ITIH5: variants seen among roughly 807,000 people sequenced by gnomAD.
ITIH5 encodes inter-alpha-trypsin inhibitor heavy chain 5, also known as inter-alpha-trypsin inhibitor heavy chain H5.
In ITIH5, 65 loss-of-function variants were observed where a neutral mutation model predicts 77.5. The ratio of observed to expected loss-of-function variants is 0.84; its 90% CI spans 0.69 to 1.03. The LOEUF (loss-of-function observed/expected upper bound fraction) is 1.03, where lower values mean the gene tolerates loss of function less well. Ranked by LOEUF, ITIH5 falls within the 50% of genes least tolerant of loss-of-function variation. The pLI, the probability that ITIH5 is intolerant of heterozygous loss-of-function variation, is 0.00. For synonymous variants in ITIH5, 525 were observed against 494.3 expected (o/e 1.06, Z -0.82); for missense variants, 1,208 against 1,213.1 (o/e 1.00, Z 0.06).
chr10:7,623,045 A>T (rs981160247), intron 5 of ITIH5, among the ~76,000 whole-genome samples: 23 of 152,360 alleles, frequency 1.5e-4, no homozygotes, highest in Non-Finnish European at 3.1e-4. Context: ...TTTCCTAGAC[A>T]ATTATCACAT....
chr10:7,622,361 A>AT, intron 5 of ITIH5: 1 of 152,222 alleles, frequency 6.6e-6, no homozygotes, highest in East Asian at 1.9e-4. Context: ...TGTTACATGG[A>AT]AACAATTCCA....
intron 7 of ITIH5, among the ~76,000 whole-genome samples, chr10:7,588,462 G>A (rs1408498817): frequency 1.3e-5 from 2 of 152,242 alleles, no homozygotes; most frequent in East Asian, 3.8e-4. Context: ...AGATTGCAGT[G>A]AGCCCAGATC....
At chr10:7,629,561 TATC>T (rs1285788632) in intron 5 of ITIH5, among the ~76,000 whole-genome samples, 2 of 151,000 alleles carry the variant, frequency 1.3e-5, no homozygotes, top group Non-Finnish European at 3.0e-5. Flanking sequence ...GCATCCATGT[TATC>T]ATATGTATCT....
chr10:7,607,446 A>T (rs772531403), intron 7 of ITIH5, among the ~76,000 whole-genome samples: 19 of 152,192 alleles, frequency 1.2e-4, no homozygotes, highest in Non-Finnish European at 1.8e-4. Context: ...AGGAGTTCAA[A>T]ACTAGCATAG....
At position 7,627,438 on chromosome 10, in the gene ITIH5, C is replaced by A. The variant is rs533272302; in HGVS notation, c.652+9790G>T. ...CTCTGGTCGAGGGGACTTGACCTTG[C>A]GGGATGTGTGGCTGGTCAGTAGCCT... On this transcript the variant is annotated intron_variant, in intron 5 of 13. Transcript: ENST00000397146. Among the ~76,000 whole-genome samples, 4 of 152,122 alleles carry A rather than the reference C, an allele frequency of 2.6e-5. No individual in the cohort carries two copies. In the East Asian group the frequency reaches 5.8e-4, roughly 22 times the overall value.
chr10:7,619,140 A>G (rs917553784), intron 5 of ITIH5: 2 of 152,400 alleles, frequency 1.3e-5, no homozygotes, highest in Non-Finnish European at 2.9e-5. Flanking sequence ...CCTTAGACCC[A>G]TTAGACAGGA....
At position 7,644,725 on chromosome 10, in the gene ITIH5, TCA is replaced by T. The variant is rs1181354282; in HGVS notation, c.136-2637_136-2636del. Among the ~76,000 whole-genome samples the T allele has an allele frequency of 1.5e-4, 21 of 136,506 alleles. 1 individual carries two copies. Among genetic ancestry groups the T allele is most frequent in the African/African-American group, 6.1e-4 (21 of 34,656 alleles). The allele number at this position is 136,506 out of a possible 152,430, so 89.6% of individuals were successfully genotyped here. On this transcript the variant is annotated intron_variant, in intron 2 of 13. Transcript: ENST00000397146. The stretch of plus-strand genomic sequence containing the variant: ...CTATATCACATATATATCATATATA[TCA>T]CATATCTATATCACATATATATCAC...
At chr10:7,571,956 G>A (rs1832308446) in intron 11 of ITIH5, 11 of 989,868 alleles carry the variant, frequency 1.1e-5, no homozygotes, top group Non-Finnish European at 1.1e-5. Context: ...ACAGTTTTCT[G>A]AGAGTTTCTA....
intron 1 of ITIH5, among the ~76,000 whole-genome samples, chr10:7,656,136 A>G (rs1834177499): frequency 6.6e-6 from 1 of 152,230 alleles, no homozygotes; most frequent in Admixed American, 6.5e-5. Context: ...AACTGAACTT[A>G]TCTTGAATTT....
rs75971306 is a variant in ITIH5, at chr10:7,613,823, C to A, written c.939+2159G>T. Among the ~76,000 whole-genome samples, 715 of 152,326 alleles carry A rather than the reference C, an allele frequency of 4.7e-3. 3 individuals are homozygous for A. The highest frequency in any genetic ancestry group is 8.1e-3 in the Non-Finnish European group (550 of 68,030). The stretch of plus-strand genomic sequence containing the variant: ...TTAGGGGTGCTCTGGCAAATCTACA[C>A]TGTGTGCAAAGCAGAAATATGCCAG... On this transcript the variant is annotated intron_variant, in intron 7 of 13. Coordinates refer to ENST00000397146, the MANE Select transcript of ITIH5 (RefSeq NM_030569.7).
Position 7,613,877 on chromosome 10 carries a change from T to A in ITIH5, c.939+2105A>T, listed in dbSNP as rs7893357. Among the ~76,000 whole-genome samples the A allele has an allele frequency of 9.0e-3, 1,364 of 152,274 alleles. 14 individuals are homozygous for A. Among genetic ancestry groups the A allele is most frequent in the Middle Eastern group, 0.02 (6 of 294 alleles). ...CTAAGAGTTCTGCAGTCCAGCTTCG[T>A]GCCATTTGGGCTGCCCAAACACCTC... is the stretch of plus-strand genomic sequence containing the variant. On this transcript the variant is annotated intron_variant, in intron 7 of 13. Coordinates refer to ENST00000397146, the MANE Select transcript of ITIH5 (RefSeq NM_030569.7).
chr10:7,624,982 G>A (rs1159867490), intron 5 of ITIH5, among the ~76,000 whole-genome samples: 1 of 149,136 alleles, frequency 6.7e-6, no homozygotes, highest in Non-Finnish European at 1.5e-5. Context: ...GCTGCCCCAA[G>A]CATTTGAATT....
At chr10:7,578,307 T>C in intron 9 of ITIH5, 1 of 167,794 alleles carries the variant, frequency 6.0e-6, no homozygotes. Context: ...TCCTAGGATT[T>C]CTGTGAGGAT....
intron 8 of ITIH5, among the ~76,000 whole-genome samples, chr10:7,584,602 GC>G (rs1356814292): frequency 2.6e-5 from 4 of 151,980 alleles, no homozygotes; most frequent in South Asian, 2.1e-4. Context: ...ACCCCACCCG[GC>G]CCAGCCATTT....
chr10:7,615,422 G>A (rs1456406907), intron 7 of ITIH5, among the ~76,000 whole-genome samples: 1 of 152,134 alleles, frequency 6.6e-6, no homozygotes, highest in East Asian at 1.9e-4. Flanking sequence ...TATGATAGCA[G>A]AATAAGATAA....
intron 7 of ITIH5, among the ~76,000 whole-genome samples, chr10:7,605,340 T>C (rs577599495): frequency 1.3e-4 from 20 of 151,892 alleles, no homozygotes; most frequent in South Asian, 2.1e-4. Context: ...CCTCTGAGAA[T>C]CATTCATCAT....
intron 2 of ITIH5, among the ~76,000 whole-genome samples, chr10:7,648,858 A>G (rs955924023): frequency 2.6e-5 from 4 of 152,224 alleles, no homozygotes; most frequent in Non-Finnish European, 4.4e-5. Context: ...ATTTTCCACA[A>G]TATTACATCA....
chr10:7,585,849 A>AT (rs373952012), intron 8 of ITIH5, 52 bp downstream of exon 8: 10 of 1,470,768 alleles, frequency 6.8e-6, no homozygotes, highest in Non-Finnish European at 9.1e-6. Flanking sequence ...AACCAAAAAA[A>AT]AAAACATTAT....
intron 7 of ITIH5, among the ~76,000 whole-genome samples, chr10:7,610,039 T>C (rs1044329861): frequency 1.7e-4 from 25 of 149,064 alleles, no homozygotes; most frequent in African/African-American, 5.2e-4. Context: ...TACATTTTTC[T>C]CCCCCCTCCC....
Sources: allele counts gnomAD v4.1 joint callset (sites outside exome capture counted in the v4.1 genomes callset), GRCh38; gene constraint gnomAD v4.1.1; transcripts MANE v1.5; gene names NCBI Gene and HGNC (gene_info 2026-07-23, HGNC 2026-07-21).